The following NCOR2 variants were observed in gnomAD, a reference collection of about 807,000 sequenced individuals.
NCOR2 encodes the protein CTG repeat protein 26.
NCOR2 carries 81 observed loss-of-function variants against 262.9 expected under a neutral mutation model. That is an observed-to-expected ratio of 0.31 (90% confidence interval 0.26 to 0.37). The LOEUF (loss-of-function observed/expected upper bound fraction) is 0.37, where lower values mean the gene tolerates loss of function less well. NCOR2 is among the 10% of genes least tolerant of loss of function. The probability of loss-of-function intolerance (pLI) is 1.00; values close to 1 mark genes in which losing one functional copy is unlikely to be tolerated. For synonymous variants in NCOR2, 1,659 were observed against 1,559.3 expected (o/e 1.06, Z -1.51); for missense variants, 3,385 against 3,621.4 (o/e 0.93, Z 1.68).
At chr12:124,403,689 A>G (rs2042107029) in intron 13 of NCOR2, among the ~76,000 whole-genome samples, 1 of 152,208 alleles carries the variant, frequency 6.6e-6, no homozygotes, top group African/African-American at 2.4e-5. Flanking sequence ...CAGATGGAAG[A>G]GGAGGGATCG....
At chr12:124,563,541 G>A (rs557152733) in intron 1 of NCOR2, among the ~76,000 whole-genome samples, 13 of 152,348 alleles carry the variant, frequency 8.5e-5, no homozygotes, top group Admixed American at 5.2e-4. Context: ...GAAGCCCTCC[G>A]GCTACACAGT....
intron 16 of NCOR2, chr12:124,388,871 A>T: frequency 1.8e-5 from 2 of 109,594 alleles, no homozygotes; most frequent in Non-Finnish European, 3.5e-5. Context: ...ACGGTGAGGG[A>T]GGGAGGGAGG....
exon 41 of NCOR2, chr12:124,334,444 G>C: frequency 5.3e-6 from 8 of 1,501,988 alleles, no homozygotes; most frequent in Non-Finnish European, 7.1e-6. Flanking sequence ...CTTCGCTGTG[G>C]GGGGAGCCAC....
At chr12:124,386,680 G>A (rs888635115) in intron 16 of NCOR2, among the ~76,000 whole-genome samples, 1 of 152,208 alleles carries the variant, frequency 6.6e-6, no homozygotes, top group Admixed American at 6.5e-5. Context: ...GCCAGAACCA[G>A]AGCATGCCGC....
chr12:124,348,210 G>A (rs963241705), exon 29 of NCOR2: 45 of 1,612,424 alleles, frequency 2.8e-5, no homozygotes, highest in Middle Eastern at 1.6e-4. Context: ...CTGCCCACGC[G>A]GCCCTCCATC....
intron 5 of NCOR2, among the ~76,000 whole-genome samples, chr12:124,463,865 G>A (rs1469251610): frequency 6.6e-6 from 1 of 151,742 alleles, no homozygotes; most frequent in Non-Finnish European, 1.5e-5. Flanking sequence ...CTCTTCCACA[G>A]GCCAGAGCTG....
intron 41 of NCOR2, among the ~76,000 whole-genome samples, chr12:124,333,881 T>TGC (rs1392106204): frequency 0.042 from 3,477 of 83,316 alleles, 134 homozygotes; most frequent in African/African-American, 0.074. Context: ...TGTGTGCGGG[T>TGC]GTGCATGTGT....
chr12:124,406,999 A>G (rs2042310558), intron 13 of NCOR2, among the ~76,000 whole-genome samples: 1 of 152,258 alleles, frequency 6.6e-6, no homozygotes, highest in Non-Finnish European at 1.5e-5. Flanking sequence ...ATGGATGAGA[A>G]TGCAAAGACA....
chr12:124,355,144 A>AT (rs768337616), intron 24 of NCOR2: 45 of 613,476 alleles, frequency 7.3e-5, no homozygotes, highest in Non-Finnish European at 1.0e-4. Flanking sequence ...AGCCCCTTGC[A>AT]TTTGCCCTTC....
At chr12:124,339,299 C>T (rs2036196863) in intron 37 of NCOR2, among the ~76,000 whole-genome samples, 1 of 112,588 alleles carries the variant, frequency 8.9e-6, no homozygotes, top group South Asian at 3.0e-4. Flanking sequence ...AACCACCTGC[C>T]CATCCATCCA....
In NCOR2 at chr12:124,327,644, G is replaced by GAGACAGAC; in HGVS notation, c.6959-19_6959-12dup. The GAGACAGAC allele has an allele frequency of 1.3e-6, 2 of 1,588,514 alleles. No homozygotes were observed. Among genetic ancestry groups the GAGACAGAC allele is most frequent in the African/African-American group, 1.3e-5 (1 of 74,394 alleles). On this transcript the variant is annotated splice_polypyrimidine_tract_variant and intron_variant, in intron 44 of 46. Coordinates refer to ENST00000405201, the Ensembl canonical transcript of NCOR2. ...TATAGGTCATAAGGCCTGGGAGAGAGAGACAGACAGACAGACAGACACATG... is the reference window on the plus strand; with the variant it reads ...TATAGGTCATAAGGCCTGGGAGAGAGAGACAGACAGACAGACAGACAGACAGACACATG...
At chr12:124,383,540 A>T in intron 17 of NCOR2, 1 of 621,452 alleles carries the variant, frequency 1.6e-6, no homozygotes, top group Non-Finnish European at 2.2e-6. Context: ...ACTCAAAAAA[A>T]AAAAAAGAGG....
intron 1 of NCOR2, among the ~76,000 whole-genome samples, chr12:124,500,497 A>G (rs1056192131): frequency 2.6e-5 from 4 of 152,132 alleles, no homozygotes; most frequent in African/African-American, 9.7e-5. Flanking sequence ...GTGAGCTCTG[A>G]CTGGCTGTCC....
At chr12:124,556,844 T>G (rs2051898584) in intron 1 of NCOR2, among the ~76,000 whole-genome samples, 1 of 141,048 alleles carries the variant, frequency 7.1e-6, no homozygotes. Flanking sequence ...GCAAGACTCT[T>G]TGTCTCAAAA....
At chr12:124,492,321 G>A (rs750005137) in intron 1 of NCOR2, among the ~76,000 whole-genome samples, 12 of 152,328 alleles carry the variant, frequency 7.9e-5, no homozygotes, top group South Asian at 2.1e-4. Context: ...AACTGAGGCC[G>A]TTCCACGTGG....
chr12:124,348,666 G>A (rs1035124169), intron 28 of NCOR2: 25 of 343,984 alleles, frequency 7.3e-5, no homozygotes, highest in African/African-American at 3.8e-4. Flanking sequence ...GACATGGGGC[G>A]TGAACAAGTG....
At chr12:124,338,910 C>T (rs1420921836) in intron 37 of NCOR2, among the ~76,000 whole-genome samples, 2 of 137,878 alleles carry the variant, frequency 1.5e-5, no homozygotes, top group South Asian at 2.7e-4. Flanking sequence ...ACCCACCCAT[C>T]CACCCACCCA....
intron 7 of NCOR2, among the ~76,000 whole-genome samples, chr12:124,449,480 C>G (rs990616484): frequency 6.6e-6 from 1 of 152,216 alleles, no homozygotes; most frequent in Non-Finnish European, 1.5e-5. Flanking sequence ...CTTCTGCCCG[C>G]AACAGCTCCC....
chr12:124,553,896 G>A (rs139909985), intron 1 of NCOR2, among the ~76,000 whole-genome samples: 11 of 152,264 alleles, frequency 7.2e-5, no homozygotes, highest in South Asian at 2.1e-4. Flanking sequence ...AGCTGCATGC[G>A]CCCCCACTCC....
Sources: allele counts gnomAD v4.1 joint callset (sites outside exome capture counted in the v4.1 genomes callset), GRCh38; gene constraint gnomAD v4.1.1; transcripts MANE v1.5; gene names NCBI Gene and HGNC (gene_info 2026-07-23, HGNC 2026-07-21).